RIC8B: variants seen among roughly 807,000 people sequenced by gnomAD.
RIC8B encodes the protein RIC8 guanine nucleotide exchange factor B, also known as chaperone Ric-8B.
A neutral mutation model predicts 57.5 loss-of-function variants in RIC8B; 16 were observed. That is an observed-to-expected ratio of 0.28 (90% CI 0.19 to 0.42). The LOEUF (loss-of-function observed/expected upper bound fraction) is 0.42, where lower values mean the gene tolerates loss of function less well. Ranked by LOEUF, RIC8B falls within the 10% of genes least tolerant of loss-of-function variation. RIC8B has a pLI of 1.00. For synonymous variants in RIC8B, 216 were observed against 250.8 expected (o/e 0.86, Z 1.31); for missense variants, 481 against 677.0 (o/e 0.71, Z 3.21).
intron 8 of RIC8B, among the ~76,000 whole-genome samples, chr12:106,860,859 CA>C (rs1949901991): frequency 6.6e-6 from 1 of 152,072 alleles, no homozygotes; most frequent in Non-Finnish European, 1.5e-5. Context: ...AAATAGGCAA[CA>C]AGACACATTA....
chr12:106,812,530 C>T (rs1234756563), intron 2 of RIC8B, among the ~76,000 whole-genome samples: 1 of 150,572 alleles, frequency 6.6e-6, no homozygotes, highest in Non-Finnish European at 1.5e-5. Flanking sequence ...ATATGTAGAA[C>T]TCCAAGTTCA....
At chr12:106,878,441 C>T (rs1950771701) in intron 9 of RIC8B, among the ~76,000 whole-genome samples, 1 of 152,142 alleles carries the variant, frequency 6.6e-6, no homozygotes, top group Non-Finnish European at 1.5e-5. Context: ...CACGCCCAGA[C>T]TTTAAAAGAA....
intron 9 of RIC8B, chr12:106,872,926 T>C (rs931510913): frequency 9.6e-6 from 6 of 625,244 alleles, no homozygotes; most frequent in Non-Finnish European, 1.2e-5. Flanking sequence ...CTACACAGTA[T>C]AATCCAGATA....
chr12:106,862,267 A>G (rs546672784), intron 8 of RIC8B, among the ~76,000 whole-genome samples: 3 of 152,104 alleles, frequency 2.0e-5, no homozygotes, highest in South Asian at 2.1e-4. Context: ...ACTGCTCATT[A>G]TAAGTATAAA....
At position 106,787,738 on chromosome 12, in the gene RIC8B, G is replaced by A. The variant is rs561509589; in HGVS notation, c.132+3694G>A. 3.9e-5 allele frequency among the ~76,000 whole-genome samples: 6 copies of A among 152,178 alleles called. No individual in the cohort carries two copies. In the South Asian group the frequency reaches 1.2e-3, roughly 32 times the overall value. On this transcript the variant is annotated intron_variant, in intron 2 of 9. Transcript: ENST00000392837. ...TCACTACCACGAGAACAGTATGGGG[G>A]AAACTGCCCCATGATTCAAATTATC... is the stretch of plus-strand genomic sequence containing the variant.
chr12:106,811,887 A>G (rs1360434016), intron 2 of RIC8B, among the ~76,000 whole-genome samples: 1 of 152,196 alleles, frequency 6.6e-6, no homozygotes, highest in Non-Finnish European at 1.5e-5. Context: ...ATACAAGAGC[A>G]CCTTTGAAAC....
At chr12:106,791,711 T>G (rs2044266863) in intron 2 of RIC8B, among the ~76,000 whole-genome samples, 1 of 152,258 alleles carries the variant, frequency 6.6e-6, no homozygotes, top group South Asian at 2.1e-4. Flanking sequence ...GGCTCCTAAG[T>G]TGGCTTTTTG....
At chr12:106,881,816 G>C (rs1950947033) in intron 9 of RIC8B, among the ~76,000 whole-genome samples, 1 of 152,128 alleles carries the variant, frequency 6.6e-6, no homozygotes, top group Non-Finnish European at 1.5e-5. Flanking sequence ...AGAAAAGTTA[G>C]GATGGGGGTA....
intron 8 of RIC8B, among the ~76,000 whole-genome samples, chr12:106,868,766 G>GACAC (rs56293147): frequency 0.016 from 1,971 of 122,986 alleles, 19 homozygotes; most frequent in Middle Eastern, 0.037. Flanking sequence ...AGGCACTCTA[G>GACAC]ACACACACAC....
At chr12:106,876,783 G>A (rs1050574714) in intron 9 of RIC8B, among the ~76,000 whole-genome samples, 1 of 152,092 alleles carries the variant, frequency 6.6e-6, no homozygotes, top group African/African-American at 2.4e-5. Flanking sequence ...TCCACTGGCT[G>A]TTTGTTCTCT....
At chr12:106,779,760 G>T (rs2043667526) in intron 1 of RIC8B, among the ~76,000 whole-genome samples, 1 of 150,516 alleles carries the variant, frequency 6.6e-6, no homozygotes, top group African/African-American at 2.4e-5. Context: ...GCTACTGTTG[G>T]GTCCTAATCA....
At chr12:106,776,883 T>C (rs1243735429) in intron 1 of RIC8B, among the ~76,000 whole-genome samples, 1 of 152,152 alleles carries the variant, frequency 6.6e-6, no homozygotes, top group East Asian at 1.9e-4. Flanking sequence ...GCTCCCTTCT[T>C]TTTTGGAGAC....
At chr12:106,792,382 C>T (rs1338263108) in intron 2 of RIC8B, among the ~76,000 whole-genome samples, 1 of 152,152 alleles carries the variant, frequency 6.6e-6, no homozygotes, top group East Asian at 1.9e-4. Context: ...TATACATGAT[C>T]GTTGGATCAC....
intron 9 of RIC8B, among the ~76,000 whole-genome samples, chr12:106,872,409 C>T (rs1390731556): frequency 1.3e-5 from 2 of 152,198 alleles, no homozygotes; most frequent in Non-Finnish European, 2.9e-5. Flanking sequence ...TGGCTTATGC[C>T]TGTAATCCCA....
chr12:106,825,082 G>A (rs11113124), intron 3 of RIC8B, among the ~76,000 whole-genome samples: 12,908 of 152,162 alleles, frequency 0.085, 693 homozygotes, highest in East Asian at 0.26. Flanking sequence ...GATAATTAAA[G>A]CAGGTGTAAT....
At position 106,775,055 on chromosome 12, in the gene RIC8B, G is replaced by A. The variant is rs2043390102; in HGVS notation, c.84+226G>A. 9 of 551,878 alleles carry A rather than the reference G, an allele frequency of 1.6e-5. No homozygotes were observed. The South Asian group carries it at 1.9e-4, about 12-fold the overall frequency. 34.2% of individuals were successfully genotyped at this position (551,878 alleles called of 1,614,324 possible). A position where few individuals can be genotyped will look rare whatever the true frequency, so the allele number is the denominator to read the frequency against. ...GCCCACTCCTCTGATTCCTGGCCCA[G>A]CAGCTTGACCTCCGGTCCTCCTCTC... On this transcript the variant is annotated intron_variant, in intron 1 of 9. Coordinates refer to ENST00000392837, the MANE Select transcript of RIC8B (RefSeq NM_001330145.2).
intron 2 of RIC8B, among the ~76,000 whole-genome samples, chr12:106,798,429 C>T (rs1306945360): frequency 2.0e-5 from 3 of 152,130 alleles, no homozygotes; most frequent in Admixed American, 6.5e-5. Context: ...AAACCAATTC[C>T]TCTGTCTTCT....
At chr12:106,831,989 TC>T (rs1361064930) in intron 4 of RIC8B, among the ~76,000 whole-genome samples, 4 of 152,192 alleles carry the variant, frequency 2.6e-5, no homozygotes, top group Non-Finnish European at 4.4e-5. Flanking sequence ...TTCTTTCTCT[TC>T]CTTAGACATA....
intron 2 of RIC8B, among the ~76,000 whole-genome samples, chr12:106,810,595 G>A (rs1211631352): frequency 6.6e-6 from 1 of 152,156 alleles, no homozygotes; most frequent in African/African-American, 2.4e-5. Context: ...CTTAGCCTTC[G>A]AGAATTGCTA....
Sources: gnomAD v4.1 joint callset for allele counts (sites outside exome capture counted in the v4.1 genomes callset) on GRCh38, gnomAD v4.1.1 for gene constraint, MANE v1.5 for transcripts, NCBI Gene and HGNC (gene_info 2026-07-23, HGNC 2026-07-21) for gene names.